FBXW8: variants seen among roughly 807,000 people sequenced by gnomAD.
FBXW8 encodes F-box/WD repeat-containing protein 8.
Under a neutral mutation model 65.3 loss-of-function variants are expected in FBXW8, and 57 were observed. That is an observed-to-expected ratio of 0.87 (90% CI 0.71 to 1.09). FBXW8 has a LOEUF of 1.09. Ranked by LOEUF, FBXW8 falls within the 50% of genes least tolerant of loss-of-function variation. The pLI is 0.00. For synonymous variants in FBXW8, 308 were observed against 330.2 expected (o/e 0.93, Z 0.73); for missense variants, 777 against 814.8 (o/e 0.95, Z 0.57).
At position 116,961,581 on chromosome 12, in the gene FBXW8, A is replaced by T. The variant is rs1883984431; in HGVS notation, c.678-3116A>T. Among the ~76,000 whole-genome samples, 1 of 152,192 alleles carries T rather than the reference A, an allele frequency of 6.6e-6. No homozygotes were observed. Among genetic ancestry groups the T allele is most frequent in the Non-Finnish European group, 1.5e-5 (1 of 68,044 alleles). ...AAGGTGTTAAGATGTAAGACTTTAT[A>T]GAGGGTTCTCTGGGTATATGGCAAG... On this transcript the variant is annotated intron_variant, in intron 4 of 10. Transcript: ENST00000652555. This position sits in a 1 kb window ranked among gnomAD's most constrained non-coding sequence, Gnocchi z 4.4.
intron 8 of FBXW8, 73 bp downstream of exon 8, chr12:117,010,523 C>T (rs1953781290): frequency 2.5e-6 from 4 of 1,600,234 alleles, no homozygotes; most frequent in African/African-American, 1.3e-5. Context: ...CTGCGCTGCT[C>T]ACACTGCCCG....
intron 1 of FBXW8, among the ~76,000 whole-genome samples, chr12:116,922,347 A>G (rs1880975145): frequency 6.6e-6 from 1 of 152,080 alleles, no homozygotes; most frequent in African/African-American, 2.4e-5. Context: ...TTTGCAGTAC[A>G]TGGAAAGTTG....
chr12:116,998,781 T>C (rs1592941502), intron 7 of FBXW8, among the ~76,000 whole-genome samples: 1 of 152,220 alleles, frequency 6.6e-6, no homozygotes, highest in South Asian at 2.1e-4. Context: ...TTCCCCTGCA[T>C]GTCCAGACAG....
chr12:117,001,453 G>A (rs1298499298), intron 7 of FBXW8, among the ~76,000 whole-genome samples: 1 of 152,114 alleles, frequency 6.6e-6, no homozygotes. Flanking sequence ...GTAATATACT[G>A]AATTTCATGT....
intron 7 of FBXW8, among the ~76,000 whole-genome samples, chr12:117,007,874 C>G (rs141672731): frequency 2.0e-5 from 3 of 151,882 alleles, no homozygotes; most frequent in Non-Finnish European, 2.9e-5. Flanking sequence ...GGACTCGTAA[C>G]GTGGAAAGAA....
In FBXW8 at chr12:116,931,383, G is replaced by A. The variant is rs575645152; in HGVS notation, c.423+3256G>A. Among the ~76,000 whole-genome samples, 5 of 151,996 alleles carry A rather than the reference G, an allele frequency of 3.3e-5. 1 individual carries two copies. The South Asian group carries it at 1.0e-3, about 32-fold the overall frequency. On this transcript the variant is annotated intron_variant, in intron 2 of 10. Transcript: ENST00000652555. ...TATTTGCAGTGTTTTGTGTTTTTAT[G>A]CAAATTTTATCTTTTTTTTTTCCTG...
Position 117,010,304 on chromosome 12 carries a change from ATTTCTCT to A in FBXW8, c.1240-17_1240-11del. 6.2e-7 allele frequency: 1 copy of A among 1,614,138 alleles called. No homozygotes were observed. On this transcript the variant is annotated splice_polypyrimidine_tract_variant and intron_variant, in intron 7 of 10. Transcript: ENST00000652555. ...GGTGTGTGGAATTGTGGGCCCACAC[ATTTCTCT>A]TCCTCTCTCAGATCCTGGTGTATAG...
chr12:117,027,882 A>G (rs1349463404), intron 10 of FBXW8, 146 bp from the exon 11 acceptor site: 3 of 1,073,014 alleles, frequency 2.8e-6, no homozygotes, highest in Non-Finnish European at 4.0e-6. Context: ...GACTGTGAGT[A>G]TCTGACGCTG....
intron 5 of FBXW8, among the ~76,000 whole-genome samples, chr12:116,984,897 G>A (rs567802035): frequency 3.3e-5 from 5 of 152,250 alleles, no homozygotes; most frequent in South Asian, 2.1e-4. Context: ...GGCTGAAGCA[G>A]GAAGATCACT....
Position 117,028,006 on chromosome 12 carries a change from A to G in FBXW8, c.1653-22A>G. ...GCCAGCGAGGCAGCCCTGACCTGTC[A>G]CCATCTTTGTGCTCTTTCTAGACAC... is the stretch of plus-strand genomic sequence containing the variant. On this transcript the variant is annotated intron_variant, in intron 10 of 10. Coordinates refer to ENST00000652555, the MANE Select transcript of FBXW8 (RefSeq NM_153348.3). The surrounding 1 kb of genome is among the most constrained non-coding windows in gnomAD (Gnocchi z 4.1). 6.2e-7 allele frequency: 1 copy of G among 1,613,664 alleles called. No individual in the cohort carries two copies. Among genetic ancestry groups the G allele is most frequent in the Non-Finnish European group, 8.5e-7 (1 of 1,179,938 alleles).
At chr12:117,024,000 A>T (rs1954162299) in intron 8 of FBXW8, 147 bp from the exon 9 acceptor site, 5 of 746,726 alleles carry the variant, frequency 6.7e-6, no homozygotes, top group Non-Finnish European at 6.4e-6. Context: ...TCTGTGCTTG[A>T]TGTCCTTATT....
chr12:116,963,562 C>T (rs1279293910), intron 4 of FBXW8, among the ~76,000 whole-genome samples: 1 of 152,162 alleles, frequency 6.6e-6, no homozygotes, highest in African/African-American at 2.4e-5. Context: ...CGAAATTGTG[C>T]CACTGAACTC....
intron 8 of FBXW8, among the ~76,000 whole-genome samples, chr12:117,023,079 A>T (rs1408874246): frequency 1.3e-5 from 2 of 152,234 alleles, no homozygotes; most frequent in Non-Finnish European, 2.9e-5. Context: ...GTCTTTCTTT[A>T]TTATGCCTTC....
At chr12:117,004,453 G>A (rs1953628266) in intron 7 of FBXW8, among the ~76,000 whole-genome samples, 1 of 152,166 alleles carries the variant, frequency 6.6e-6, no homozygotes, top group Non-Finnish European at 1.5e-5. Context: ...AAAGGGGCCT[G>A]AGTTGAAATT....
At chr12:117,009,111 C>G (rs1342349914) in intron 7 of FBXW8, among the ~76,000 whole-genome samples, 1 of 152,094 alleles carries the variant, frequency 6.6e-6, no homozygotes, top group Non-Finnish European at 1.5e-5. Context: ...GTGGCTCAGG[C>G]CTGTAATCCC....
intron 9 of FBXW8, among the ~76,000 whole-genome samples, chr12:117,026,031 C>T (rs2135728657): frequency 6.6e-6 from 1 of 152,370 alleles, no homozygotes; most frequent in Admixed American, 6.5e-5. Context: ...CACATGGTCT[C>T]CTGCCCAGAA....
chr12:117,013,244 CA>C (rs1953869344), intron 8 of FBXW8, among the ~76,000 whole-genome samples: 1 of 147,826 alleles, frequency 6.8e-6, no homozygotes, highest in Non-Finnish European at 1.5e-5. Flanking sequence ...TCCATCATCT[CA>C]AAAAATAAAG....
At chr12:116,957,560 T>C (rs1364538244) in intron 4 of FBXW8, among the ~76,000 whole-genome samples, 2 of 152,200 alleles carry the variant, frequency 1.3e-5, no homozygotes, top group Non-Finnish European at 2.9e-5. Flanking sequence ...TTTGAGACTG[T>C]TGAGATAACA....
intron 7 of FBXW8, among the ~76,000 whole-genome samples, chr12:116,994,822 T>TTG (rs36031876): frequency 0.027 from 4,108 of 152,334 alleles, 180 homozygotes; most frequent in African/African-American, 0.088. Context: ...TGTTTTGCTA[T>TTG]TGTAAACAAC....
Sources: gnomAD v4.1 joint callset for allele counts (sites outside exome capture counted in the v4.1 genomes callset) on GRCh38, gnomAD v4.1.1 for gene constraint, Gnocchi (gnomAD v3.1) non-coding constraint, MANE v1.5 for transcripts, NCBI Gene and HGNC (gene_info 2026-07-23, HGNC 2026-07-21) for gene names.